The following NRN1L variants were observed in gnomAD, a reference collection of about 807,000 sequenced individuals.
NRN1L encodes neuritin-like protein.
Under a neutral mutation model 8.8 loss-of-function variants are expected in NRN1L, and 12 were observed. That is an observed-to-expected ratio of 1.36 (90% CI 0.87 to 2.20). The LOEUF is 2.20. NRN1L is among the 30% of genes most tolerant of loss of function. NRN1L has a pLI of 0.00. For missense variants in NRN1L, 266 were observed against 232.4 expected, an observed-to-expected ratio of 1.14 and a Z score of -0.94; for synonymous variants, 114 against 99.2, an observed-to-expected ratio of 1.15 and a Z score of -0.88.
At position 67,885,746 on chromosome 16, in the gene NRN1L, C is replaced by G; in HGVS notation, c.104C>G (p.Ala35Gly). The G allele has an allele frequency of 6.2e-7, 1 of 1,607,030 alleles. No homozygotes were observed. The highest frequency in any genetic ancestry group is 8.5e-7 in the Non-Finnish European group (1 of 1,176,740). ...PLVLLPPLAA[A>G]AAGPNRCDTI... ...GTCCTTTTACCTCCCCTGGCAGCAG[C>G]TGCAGCGGGCCCAAACCGATGTGAC... Residue 35 changes from alanine (A) to glycine (G), a missense_variant, in exon 2 of 3, where the codon GCT becomes GGT. Coordinates refer to ENST00000339176, the MANE Select transcript of NRN1L (RefSeq NM_198443.2).
downstream of NRN1L, among the ~76,000 whole-genome samples, chr16:67,887,645 C>T (rs1365794026): frequency 2.7e-5 from 4 of 150,042 alleles, no homozygotes; most frequent in African/African-American, 4.9e-5. Flanking sequence ...TGCAATGGCG[C>T]GATCTCTGCT....
intron 1 of NRN1L, chr16:67,885,372 G>T (rs1334676831): frequency 1.9e-5 from 9 of 466,598 alleles, no homozygotes; most frequent in Non-Finnish European, 3.0e-5. Flanking sequence ...GCAGAGAGAT[G>T]CACCTGCTCC....
rs369746345 is a variant in NRN1L, at chr16:67,885,867, G to A, written c.212+13G>A. ...AGACCATCTGCAGGTACCGGCGGGT[G>A]TGAGGCAGTGGCCCAACCTGTGCCA... On this transcript the variant is annotated intron_variant, in intron 2 of 2. Transcript: ENST00000339176. The A allele has an allele frequency of 6.4e-6, 10 of 1,569,756 alleles. No individual in the cohort carries two copies. The highest frequency in any genetic ancestry group is 4.1e-5 in the African/African-American group (3 of 74,008).
chr16:67,886,832 C>T (rs182074677), downstream of NRN1L, among the ~76,000 whole-genome samples: 202 of 152,314 alleles, frequency 1.3e-3, no homozygotes, highest in Non-Finnish European at 2.7e-3. Flanking sequence ...TGTGCTCAGT[C>T]CCTTCCTCTG....
At chr16:67,885,139 G>T in intron 1 of NRN1L, 157 bp downstream of exon 1, 1 of 632,814 alleles carries the variant, frequency 1.6e-6, no homozygotes, top group South Asian at 1.9e-5. Context: ...AAAGTGAGAG[G>T]CACAAACAGC....
Position 67,884,987 on chromosome 16 carries a change from G to T in NRN1L, c.79+5G>T. 1 of 1,606,258 alleles carries T rather than the reference G, an allele frequency of 6.2e-7. No homozygotes were observed. On this transcript the variant is annotated splice_donor_5th_base_variant and intron_variant, in intron 1 of 2. Transcript: ENST00000339176. This position sits in a 1 kb window ranked among gnomAD's most constrained non-coding sequence, Gnocchi z 4.1. ...CGTTGCTGTTGCTGCCCCTCGGTGA[G>T]TGCGGGCATCCGGGGCCCGGGCCAC... is the stretch of plus-strand genomic sequence containing the variant.
At chr16:67,887,995 C>T (rs1461625981), downstream of NRN1L, among the ~76,000 whole-genome samples, 2 of 152,210 alleles carry the variant, frequency 1.3e-5, no homozygotes, top group African/African-American at 2.4e-5. Context: ...CAGAAGGCTC[C>T]TCTAGGTCCA....
At position 67,885,709 on chromosome 16, in the gene NRN1L, G is replaced by A. The variant is rs370621251; in HGVS notation, c.80-13G>A. 9 of 692,048 alleles carry A rather than the reference G, an allele frequency of 1.3e-5. No individual in the cohort carries two copies. The highest frequency in any genetic ancestry group is 9.9e-5 in the African/African-American group (4 of 40,568). The allele number at this position is 692,048 out of a possible 1,614,324, so 42.9% of individuals were successfully genotyped here. On this transcript the variant is annotated splice_polypyrimidine_tract_variant and intron_variant, in intron 1 of 2. Transcript: ENST00000339176. ...ACCATTCCTTCCCCACCCCACCCCC[G>A]CCCCACTTCTAGTCCTTTTACCTCC...
At chr16:67,887,040 C>T (rs541537233), downstream of NRN1L, among the ~76,000 whole-genome samples, 1 of 152,324 alleles carries the variant, frequency 6.6e-6, no homozygotes, top group South Asian at 2.1e-4. Flanking sequence ...AGAAGGCTTT[C>T]TGGAAGCCGT....
rs753670740 is a variant in NRN1L, at chr16:67,884,937, C to G, written c.34C>G (p.Arg12Gly). ...MRCCRRRCCC[R>G]QPPHALRPLL... ...CTGCTGCCGCCGCCGCTGCTGCTGC[C>G]GGCAACCACCCCATGCCCTGAGGCC... Residue 12 changes from arginine to glycine, a missense_variant, in exon 1 of 3, where the codon CGG becomes GGG. Transcript: ENST00000339176. The surrounding 1 kb of genome is among the most constrained non-coding windows in gnomAD (Gnocchi z 4.1). 5 of 1,607,664 alleles carry G rather than the reference C, an allele frequency of 3.1e-6. No homozygotes were observed. The East Asian group carries it at 8.9e-5, about 29-fold the overall frequency.
chr16:67,885,712 C>CCCCCACCA lies in NRN1L; in HGVS notation c.80-9_80-8insCCCACCAC. 1 of 1,510,466 alleles carries CCCCCACCA rather than the reference C, an allele frequency of 6.6e-7. No individual in the cohort carries two copies. The highest frequency in any genetic ancestry group is 9.0e-7 in the Non-Finnish European group (1 of 1,105,314). 93.6% of individuals were successfully genotyped at this position (1,510,466 alleles called of 1,614,324 possible). A position where few individuals can be genotyped will look rare whatever the true frequency, so the allele number is the denominator to read the frequency against. ...ATTCCTTCCCCACCCCACCCCCGCC[C>CCCCCACCA]CACTTCTAGTCCTTTTACCTCCCCT... On this transcript the variant is annotated splice_polypyrimidine_tract_variant and intron_variant, in intron 1 of 2. Coordinates refer to ENST00000339176, the MANE Select transcript of NRN1L (RefSeq NM_198443.2).
downstream of NRN1L, among the ~76,000 whole-genome samples, chr16:67,888,389 G>T (rs113949170): frequency 3.5e-3 from 533 of 152,262 alleles, 1 homozygote; most frequent in Middle Eastern, 0.017. Flanking sequence ...AGGAGCAGGG[G>T]CCTGGCTGTT....
downstream of NRN1L, among the ~76,000 whole-genome samples, chr16:67,887,837 C>A (rs891462430): frequency 6.6e-6 from 1 of 152,156 alleles, no homozygotes; most frequent in African/African-American, 2.4e-5. Context: ...CCGCCTCGGC[C>A]TCCCAGTGTT....
At position 67,885,713 on chromosome 16, in the gene NRN1L, C is replaced by CCCCCCCA; in HGVS notation, c.80-9_80-8insCCCCCCA. The stretch of plus-strand genomic sequence containing the variant: ...TTCCTTCCCCACCCCACCCCCGCCC[C>CCCCCCCA]ACTTCTAGTCCTTTTACCTCCCCTG... On this transcript the variant is annotated splice_polypyrimidine_tract_variant and intron_variant, in intron 1 of 2. Transcript: ENST00000339176. The CCCCCCCA allele has an allele frequency of 2.0e-6, 3 of 1,509,788 alleles. No individual in the cohort carries two copies. The highest frequency in any genetic ancestry group is 2.7e-6 in the Non-Finnish European group (3 of 1,104,160). The allele number at this position is 1,509,788 out of a possible 1,614,324, so 93.5% of individuals were successfully genotyped here.
chr16:67,887,176 A>G (rs2058099152), downstream of NRN1L, among the ~76,000 whole-genome samples: 2 of 152,132 alleles, frequency 1.3e-5, no homozygotes, highest in African/African-American at 4.8e-5. Flanking sequence ...TCTTCTGATC[A>G]GCCTTCTCCC....
intron 1 of NRN1L, 160 bp downstream of exon 1, chr16:67,885,142 C>A (rs746228364): frequency 8.0e-6 from 5 of 628,492 alleles, no homozygotes; most frequent in Non-Finnish European, 1.1e-5. Flanking sequence ...GTGAGAGGCA[C>A]AAACAGCCCC....
downstream of NRN1L, among the ~76,000 whole-genome samples, chr16:67,886,699 A>G (rs1383035534): frequency 1.3e-5 from 2 of 152,180 alleles, no homozygotes; most frequent in African/African-American, 4.8e-5. Context: ...CCTGGGGGCC[A>G]GGTGAGCTGG....
chr16:67,886,094 GCA>G lies in NRN1L; in HGVS notation c.337_338del (p.Thr113SerfsTer59). On this transcript the variant is annotated frameshift_variant, in exon 3 of 3. Transcript: ENST00000339176. LOFTEE classifies it low-confidence loss of function (END_TRUNC). ...ARQAPRPNNL[H>X]TLCGAPVHVR... ...GCCAGGCCCCCCGTCCGAATAACTT[GCA>G]CACTCTGTGCGGTGCCCCGGTGCAT... The G allele has an allele frequency of 6.2e-7, 1 of 1,613,384 alleles. No individual in the cohort carries two copies. Among genetic ancestry groups the G allele is most frequent in the East Asian group, 2.2e-5 (1 of 44,856 alleles).
chr16:67,885,713 C>CCCGTGG lies in NRN1L; in HGVS notation c.80-9_80-8insCCGTGG. 1 of 1,509,818 alleles carries CCCGTGG rather than the reference C, an allele frequency of 6.6e-7. No homozygotes were observed. The highest frequency in any genetic ancestry group is 9.1e-7 in the Non-Finnish European group (1 of 1,104,186). 93.5% of individuals were successfully genotyped at this position (1,509,818 alleles called of 1,614,324 possible). A position where few individuals can be genotyped will look rare whatever the true frequency, so the allele number is the denominator to read the frequency against. ...TTCCTTCCCCACCCCACCCCCGCCC[C>CCCGTGG]ACTTCTAGTCCTTTTACCTCCCCTG... On this transcript the variant is annotated splice_polypyrimidine_tract_variant and intron_variant, in intron 1 of 2. Coordinates refer to ENST00000339176, the MANE Select transcript of NRN1L (RefSeq NM_198443.2).
Sources: gnomAD v4.1 joint callset for allele counts (sites outside exome capture counted in the v4.1 genomes callset) on GRCh38, gnomAD v4.1.1 for gene constraint, Gnocchi (gnomAD v3.1) non-coding constraint, MANE v1.5 for transcripts, NCBI Gene and HGNC (gene_info 2026-07-23, HGNC 2026-07-21) for gene names.